Variants in DRD3 observed in about 807,000 individuals in gnomAD.
DRD3 encodes the protein D(3) dopamine receptor.
In DRD3, 19 loss-of-function variants were observed where a neutral mutation model predicts 36.3. That is an observed-to-expected ratio of 0.52 (90% CI 0.36 to 0.77). The LOEUF (loss-of-function observed/expected upper bound fraction) is 0.77. Among genes scored for constraint, DRD3 ranks in the 30% least tolerant of loss-of-function variants. The pLI is 0.00. For missense variants in DRD3, 465 were observed against 505.3 expected (o/e 0.92, Z 0.77); for synonymous variants, 195 against 203.7 (o/e 0.96, Z 0.36).
At chr3:114,156,755 C>CTTTCTT (rs2077675353) in intron 3 of DRD3, among the ~76,000 whole-genome samples, 2 of 108,312 alleles carry the variant, frequency 1.8e-5, no homozygotes, top group African/African-American at 7.1e-5. Context: ...TTCTTTCTTT[C>CTTTCTT]TTTCTTTCTT....
Position 114,139,540 on chromosome 3 carries a change from T to C in DRD3, c.683A>G (p.Asn228Ser). ...RRRKRILTRQNSQCNSVRPGF... is the reference protein window; with the variant it reads ...RRRKRILTRQSSQCNSVRPGF... The stretch of plus-strand genomic sequence containing the variant: ...AGGCCTGACACTGTTGCACTGACTG[T>C]TCTGTCGAGTGAGGATCCTTTTCCG... The change falls in exon 5 of 7, where the codon AAC becomes AGC. Residue 228 changes from asparagine (N) to serine (S), a missense_variant. Asn to Ser is a conservative substitution (Grantham distance 46). Coordinates refer to ENST00000383673, the MANE Select transcript of DRD3 (RefSeq NM_000796.6). 6.2e-7 allele frequency: 1 copy of C among 1,614,078 alleles called. No homozygotes were observed.
At chr3:114,137,858 C>T (rs13068807) in intron 5 of DRD3, among the ~76,000 whole-genome samples, 35,137 of 148,808 alleles carry the variant, frequency 0.24, 4,541 homozygotes, top group Middle Eastern at 0.38. Flanking sequence ...ATTAGCCGGG[C>T]GTGATGGTGG....
At chr3:114,165,965 C>T (rs998680656) in intron 2 of DRD3, among the ~76,000 whole-genome samples, 22 of 149,946 alleles carry the variant, frequency 1.5e-4, no homozygotes, top group African/African-American at 3.7e-4. Flanking sequence ...TTGGTAGACC[C>T]GAGGTAGACC....
rs2077398708 is a variant in DRD3 at position 114,128,705 on chromosome 3, C to T, written c.*11G>A. 1 of 1,581,772 alleles carries T rather than the reference C, an allele frequency of 6.3e-7. No homozygotes were observed. Among genetic ancestry groups the T allele is most frequent in the Admixed American group, 1.7e-5 (1 of 57,378 alleles). On this transcript the variant is annotated 3_prime_UTR_variant, in exon 7 of 7. Transcript: ENST00000383673. ...GAAATGGGTACAAAGAGTGTTCCCT[C>T]TTCTGCTCCCTCAGCAAGACAGGAT...
chr3:114,164,615 G>T (rs528784484), intron 2 of DRD3, among the ~76,000 whole-genome samples: 1 of 152,114 alleles, frequency 6.6e-6, no homozygotes, highest in Non-Finnish European at 1.5e-5. Flanking sequence ...GGGAAACACT[G>T]GTCTGGGGTT....
intron 1 of DRD3, among the ~76,000 whole-genome samples, chr3:114,185,901 A>T (rs915987451): frequency 6.6e-6 from 1 of 152,108 alleles, no homozygotes; most frequent in Admixed American, 6.6e-5. Flanking sequence ...GGTGTCTTGT[A>T]ATTTTTTGTT....
At chr3:114,185,509 C>G (rs1439592109) in intron 1 of DRD3, among the ~76,000 whole-genome samples, 3 of 151,622 alleles carry the variant, frequency 2.0e-5, no homozygotes, top group Admixed American at 2.0e-4. Flanking sequence ...AGGTTGTTTT[C>G]TTGACTTTTC....
intron 4 of DRD3, among the ~76,000 whole-genome samples, chr3:114,146,013 T>C (rs2077566887): frequency 6.6e-6 from 1 of 152,228 alleles, no homozygotes. Flanking sequence ...GTAACTTGTT[T>C]AAGGAGAGAC....
intron 1 of DRD3, among the ~76,000 whole-genome samples, chr3:114,190,446 ATATATATATATATATATTTTTTTTTTT>A (rs2078002630): frequency 1.5e-4 from 2 of 13,248 alleles, no homozygotes; most frequent in African/African-American, 7.7e-4. Flanking sequence ...ATATATATAT[ATATATATATATATATATTTTTTTTTTT>A]TTTTTTTTTT....
chr3:114,174,351 G>C (rs979523088), intron 1 of DRD3, among the ~76,000 whole-genome samples: 2 of 152,164 alleles, frequency 1.3e-5, no homozygotes, highest in Non-Finnish European at 2.9e-5. Flanking sequence ...GGTGAATAAT[G>C]TCTTAGCCTC....
At chr3:114,163,383 A>G (rs1048073327) in intron 2 of DRD3, among the ~76,000 whole-genome samples, 3 of 152,174 alleles carry the variant, frequency 2.0e-5, no homozygotes, top group Non-Finnish European at 2.9e-5. Context: ...TCTCATCACA[A>G]CCTGAAGAGG....
At chr3:114,178,214 C>T (rs965545522) in intron 1 of DRD3, among the ~76,000 whole-genome samples, 5 of 152,124 alleles carry the variant, frequency 3.3e-5, no homozygotes, top group Admixed American at 3.3e-4. Flanking sequence ...AACAGCCTGA[C>T]TTTAAATAGA....
chr3:114,164,926 T>G (rs2077769090), intron 2 of DRD3, among the ~76,000 whole-genome samples: 1 of 152,150 alleles, frequency 6.6e-6, no homozygotes, highest in Non-Finnish European at 1.5e-5. Flanking sequence ...AATTTTTGTA[T>G]TTTTAGTAGA....
At chr3:114,132,568 TA>T (rs11299557) in intron 5 of DRD3, among the ~76,000 whole-genome samples, 51,160 of 137,410 alleles carry the variant, frequency 0.37, 9,342 homozygotes, top group Middle Eastern at 0.47. Flanking sequence ...GAACTTAAAG[TA>T]AAAAAAAAAA....
intron 1 of DRD3, among the ~76,000 whole-genome samples, chr3:114,187,519 A>G (rs1188914796): frequency 6.6e-6 from 1 of 152,218 alleles, no homozygotes; most frequent in Non-Finnish European, 1.5e-5. Context: ...TTGCTTCCAC[A>G]ACTCCTTTGC....
At chr3:114,197,167 A>G (rs2107909002) in intron 1 of DRD3, among the ~76,000 whole-genome samples, 1 of 149,136 alleles carries the variant, frequency 6.7e-6, no homozygotes, top group East Asian at 2.0e-4. Context: ...GGTGGAGTGC[A>G]GTGGCATGAT....
Position 114,171,797 on chromosome 3 carries a change from A to G in DRD3, c.196T>C (p.Tyr66His), listed in dbSNP as rs1318970010. The G allele has an allele frequency of 6.2e-7, 1 of 1,614,050 alleles. No individual in the cohort carries two copies. The highest frequency in any genetic ancestry group is 1.1e-5 in the South Asian group (1 of 91,036). Residue 66 changes from tyrosine (Y) to histidine (H), a missense_variant, in exon 2 of 7, where the codon TAC (tyrosine) becomes CAC (histidine). Tyr to His is a moderately conservative substitution (Grantham distance 83). Transcript: ENST00000383673. The stretch of plus-strand genomic sequence containing the variant: ...GCCACAGCCAGGCTCACTACTAAGT[A>G]GTTGGTGGTAGTCTGCAGGGCCCGC... ...KERALQTTTN[Y>H]LVVSLAVADL...
intron 5 of DRD3, among the ~76,000 whole-genome samples, chr3:114,135,685 TTTG>T (rs1186440697): frequency 3.3e-5 from 5 of 152,126 alleles, no homozygotes. Context: ...TTTGTTTTTT[TTTG>T]TTGTTGTTTG....
chr3:114,184,178 A>G (rs1587758), intron 1 of DRD3, among the ~76,000 whole-genome samples: 21,884 of 152,198 alleles, frequency 0.14, 1,859 homozygotes, highest in Admixed American at 0.23. Context: ...TTAACATCCT[A>G]AAGTTATAAT....
Sources: gnomAD v4.1 joint callset for allele counts (sites outside exome capture counted in the v4.1 genomes callset) on GRCh38, gnomAD v4.1.1 for gene constraint, MANE v1.5 for transcripts, NCBI Gene and HGNC (gene_info 2026-07-23, HGNC 2026-07-21) for gene names.